The following PCDH19 variants were observed in gnomAD, a reference collection of about 807,000 sequenced individuals.
PCDH19 encodes protocadherin 19, also known as protocadherin-19.
Under a neutral mutation model 46.2 loss-of-function variants are expected in PCDH19, and 6 were observed. That is an observed-to-expected ratio of 0.13 (90% confidence interval 0.07 to 0.26). The LOEUF (loss-of-function observed/expected upper bound fraction) is 0.26. Ranked by LOEUF, PCDH19 falls within the 10% of genes least tolerant of loss-of-function variation. PCDH19 has a pLI of 1.00. For missense variants in PCDH19, 740 were observed against 972.3 expected (o/e 0.76, Z 3.18); for synonymous variants, 481 against 415.7 (o/e 1.16, Z -1.91).
intron 5 of PCDH19, among the ~76,000 whole-genome samples, chrX:100,309,086 A>T (rs1174136213): frequency 9.1e-6 from 1 of 110,009 alleles, no homozygotes. Flanking sequence ...ACAATTTGCA[A>T]TTGCAAAAAT....
rs1323809873 is a variant in PCDH19, at chrX:100,352,321, ACAGT to A, written c.2617-1621_2617-1618del. 2.7e-5 allele frequency among the ~76,000 whole-genome samples: 3 copies of A among 112,590 alleles called. No homozygotes were observed. In the Admixed American group the frequency reaches 2.8e-4, roughly 11 times the overall value. ...GTATTTGCTGGAAGAAGTTTATCCAACAGTCAGTCAACCAACAAACACTCTTTGA... is the reference window on the plus strand; with the variant it reads ...GTATTTGCTGGAAGAAGTTTATCCAACAGTCAACCAACAAACACTCTTTGA... On this transcript the variant is annotated intron_variant, in intron 3 of 5. Transcript: ENST00000373034.
intron 5 of PCDH19, among the ~76,000 whole-genome samples, chrX:100,312,103 T>C (rs1364175207): frequency 1.2e-5 from 1 of 82,438 alleles, no homozygotes; most frequent in Non-Finnish European, 2.7e-5. Flanking sequence ...TCCTAAAACA[T>C]TGAGAGAGAG....
chrX:100,335,268 A>T (rs1926049526), intron 5 of PCDH19, among the ~76,000 whole-genome samples: 1 of 111,550 alleles, frequency 9.0e-6, no homozygotes, highest in African/African-American at 3.3e-5. Flanking sequence ...ACTGAGAGAA[A>T]GGATAAAGTT....
chrX:100,379,347 A>ACACAC (rs66715683), intron 3 of PCDH19, among the ~76,000 whole-genome samples: 19,114 of 65,045 alleles, frequency 0.29, 1,618 homozygotes, highest in East Asian at 0.43. Flanking sequence ...ACACACACAC[A>ACACAC]CATTTCCTCC....
chrX:100,379,949 G>A (rs754847016), intron 3 of PCDH19, among the ~76,000 whole-genome samples: 77 of 111,844 alleles, frequency 6.9e-4, no homozygotes, highest in Non-Finnish European at 1.1e-3. Context: ...GCAGTAACTG[G>A]AGGAATGGAT....
rs778782448 is a variant in PCDH19, at chrX:100,296,312, G to C, written c.3412C>G (p.Pro1138Ala). ...ILKEGRNKESPGVKRLKDIVL is the reference protein window; with the variant it reads ...ILKEGRNKESAGVKRLKDIVL ...ATATCCTTCAGACGCTTCACACCAG[G>C]GGACTCTTTGTTGCGACCTTCCTTC... The change falls in exon 6 of 6, where the codon CCT becomes GCT. Residue 1138 changes from proline (P) to alanine (A), a missense_variant. This residue lies in a region of PCDH19 where 416 missense variants were observed against 476.8 expected (regional missense o/e 0.87). Transcript: ENST00000373034. 7 of 1,209,129 alleles carry C rather than the reference G, an allele frequency of 5.8e-6. No individual in the cohort carries two copies. The highest frequency in any genetic ancestry group is 7.8e-6 in the Non-Finnish European group (7 of 894,443).
rs1242365421 is a variant in PCDH19, at chrX:100,408,747, G to A, written c.-150C>T. 1.6e-5 allele frequency: 5 copies of A among 304,373 alleles called. No homozygotes were observed. The highest frequency in any genetic ancestry group is 1.1e-4 in the African/African-American group (4 of 35,173). The allele number at this position is 304,373 out of a possible 1,213,427, so 25.1% of individuals were successfully genotyped here. A position where few individuals can be genotyped will look rare whatever the true frequency, so the allele number is the denominator to read the frequency against. Reference sequence around the variant, plus strand: ...GGAGAAGTCCCGCCCAGGGCGGCCCGGCGGCGCGCGGGGGACACCCGCGGC... The same window carrying A: ...GGAGAAGTCCCGCCCAGGGCGGCCCAGCGGCGCGCGGGGGACACCCGCGGC... On this transcript the variant is annotated 5_prime_UTR_variant, in exon 1 of 6. Coordinates refer to ENST00000373034, the MANE Select transcript of PCDH19 (RefSeq NM_001184880.2).
rs186378666 is a variant in PCDH19 at position 100,372,687 on chromosome X, G to A, written c.2617-21983C>T. Among the ~76,000 whole-genome samples, 7 of 112,234 alleles carry A rather than the reference G, an allele frequency of 6.2e-5. No individual in the cohort carries two copies. The East Asian group carries it at 8.5e-4, about 14-fold the overall frequency. On this transcript the variant is annotated intron_variant, in intron 3 of 5. Transcript: ENST00000373034. ...TTTATATTCAATAGAAATTTGTGGCGTGAGCAAGGCATCTGGAATTCATGA... is the reference window on the plus strand; with the variant it reads ...TTTATATTCAATAGAAATTTGTGGCATGAGCAAGGCATCTGGAATTCATGA...
intron 3 of PCDH19, among the ~76,000 whole-genome samples, chrX:100,397,151 T>C (rs750339998): frequency 9.8e-5 from 11 of 112,346 alleles, no homozygotes; most frequent in South Asian, 3.7e-4. Context: ...AGCCCAGAAT[T>C]TCATTCAAGT....
In PCDH19 at chrX:100,296,829, G is replaced by A. The variant is rs1602567395; in HGVS notation, c.2895C>T (p.Gly965=). The A allele has an allele frequency of 5.0e-6, 6 of 1,208,831 alleles. No individual in the cohort carries two copies. The highest frequency in any genetic ancestry group is 6.7e-6 in the Non-Finnish European group (6 of 894,509). ...FHCREECRIL[G]HSDRCWMPRN... ...GGGGCATCCAGCACCTGTCAGAGTG[G>A]CCAAGAATCCGGCATTCTTCCCGGC... The change falls in exon 6 of 6, where the codon GGC becomes GGT. Residue 965 remains glycine (G), a synonymous_variant. Coordinates refer to ENST00000373034, the MANE Select transcript of PCDH19 (RefSeq NM_001184880.2).
At chrX:100,372,683 T>C (rs778176183) in intron 3 of PCDH19, among the ~76,000 whole-genome samples, 1 of 112,340 alleles carries the variant, frequency 8.9e-6, no homozygotes, top group Admixed American at 9.4e-5. Flanking sequence ...TAGAAATTTG[T>C]GGCGTGAGCA....
chrX:100,342,115 A>G, intron 4 of PCDH19, 40 bp from the exon 5 acceptor site: 1 of 1,151,557 alleles, frequency 8.7e-7, no homozygotes, highest in Non-Finnish European at 1.2e-6. Flanking sequence ...ACCGTGACAG[A>G]TCTGATTTTA....
chrX:100,386,978 T>C (rs779890046), intron 3 of PCDH19, among the ~76,000 whole-genome samples: 9 of 111,980 alleles, frequency 8.0e-5, no homozygotes, highest in Non-Finnish European at 1.7e-4. Flanking sequence ...TAGCAAAGAT[T>C]TCATTCACAA....
At position 100,293,177 on chromosome X, in the gene PCDH19, T is replaced by C. The variant is rs1343566426; in HGVS notation, c.*3100A>G. ...TTCCAATTTTCAGAGATCTAAATTG[T>C]ATTTTTTAAAAATATTTCTGATTAG... On this transcript the variant is annotated 3_prime_UTR_variant, in exon 6 of 6. Coordinates refer to ENST00000373034, the MANE Select transcript of PCDH19 (RefSeq NM_001184880.2). The C allele has an allele frequency of 8.9e-6, 1 of 112,362 alleles. No homozygotes were observed. Among genetic ancestry groups the C allele is most frequent in the Non-Finnish European group, 1.9e-5 (1 of 53,300 alleles). The allele number at this position is 112,362 out of a possible 1,213,427, so 9.3% of individuals were successfully genotyped here. A position where few individuals can be genotyped will look rare whatever the true frequency, so the allele number is the denominator to read the frequency against.
intron 5 of PCDH19, among the ~76,000 whole-genome samples, chrX:100,319,080 T>C (rs776616912): frequency 9.0e-6 from 1 of 111,320 alleles, no homozygotes; most frequent in East Asian, 2.8e-4. Flanking sequence ...ATGCTAAGTA[T>C]ATGGAATTAA....
intron 3 of PCDH19, among the ~76,000 whole-genome samples, chrX:100,378,941 G>A (rs1927462763): frequency 9.0e-6 from 1 of 111,514 alleles, no homozygotes; most frequent in South Asian, 3.8e-4. Context: ...TCACACAGCT[G>A]TCACAGACAA....
Position 100,294,124 on chromosome X carries a change from T to A in PCDH19, c.*2153A>T, listed in dbSNP as rs200616841. Reference sequence around the variant, plus strand: ...CATCATAACTTAAAGGGGAAATTTTTAAAAAATTTTTAATGTGTTAATCAA... The same window carrying A: ...CATCATAACTTAAAGGGGAAATTTTAAAAAAATTTTTAATGTGTTAATCAA... On this transcript the variant is annotated 3_prime_UTR_variant, in exon 6 of 6. Transcript: ENST00000373034. 1.1e-4 allele frequency: 12 copies of A among 112,183 alleles called. No individual in the cohort carries two copies. Among genetic ancestry groups the A allele is most frequent in the East Asian group, 5.6e-4 (2 of 3,565 alleles). The allele number at this position is 112,183 out of a possible 1,213,427, so 9.2% of individuals were successfully genotyped here. A position where few individuals can be genotyped will look rare whatever the true frequency, so the allele number is the denominator to read the frequency against.
chrX:100,333,831 C>T (rs2147478318), intron 5 of PCDH19, among the ~76,000 whole-genome samples: 1 of 104,119 alleles, frequency 9.6e-6, no homozygotes, highest in African/African-American at 3.6e-5. Flanking sequence ...ACTGTGTCAC[C>T]CAGGCTGGAG....
chrX:100,393,811 A>G (rs918393277), intron 3 of PCDH19, among the ~76,000 whole-genome samples: 6 of 111,588 alleles, frequency 5.4e-5, no homozygotes, highest in Non-Finnish European at 9.4e-5. Flanking sequence ...GCACTCAGAG[A>G]CTTAATGGAG....
Sources: gnomAD v4.1 joint callset for allele counts (sites outside exome capture counted in the v4.1 genomes callset) on GRCh38, gnomAD v4.1.1 for gene constraint, gnomAD v4.1.1 regional missense constraint, MANE v1.5 for transcripts, NCBI Gene and HGNC (gene_info 2026-07-23, HGNC 2026-07-21) for gene names.